PTPRN2: variants seen among roughly 807,000 people sequenced by gnomAD.
PTPRN2 encodes the protein protein tyrosine phosphatase receptor type N2.
Under a neutral mutation model 118.8 loss-of-function variants are expected in PTPRN2, and 74 were observed. The ratio of observed to expected loss-of-function variants is 0.62; its 90% confidence interval spans 0.52 to 0.76. PTPRN2 has a LOEUF of 0.76. Among genes scored for constraint, PTPRN2 ranks in the 30% least tolerant of loss-of-function variants. The pLI is 0.00. For synonymous variants in PTPRN2, 641 were observed against 608.0 expected (o/e 1.05, Z -0.80); for missense variants, 1,481 against 1,394.4 (o/e 1.06, Z -0.99).
intron 3 of PTPRN2, among the ~76,000 whole-genome samples, chr7:158,247,427 AG>A (rs1179053883): frequency 1.6e-3 from 11 of 7,094 alleles, no homozygotes; most frequent in South Asian, 3.6e-3. Flanking sequence ...AGGAGTGGCC[AG>A]GGGTGCCCGT....
At position 157,903,711 on chromosome 7, in the gene PTPRN2, T is replaced by C. The variant is rs533309796; in HGVS notation, c.1724-4974A>G. Among the ~76,000 whole-genome samples the C allele has an allele frequency of 1.9e-4, 29 of 151,912 alleles. No individual in the cohort carries two copies. The highest frequency in any genetic ancestry group is 6.8e-4 in the African/African-American group (28 of 41,408). Reference sequence around the variant, plus strand: ...AGGGACAGTTTCATTCTCGAGCTAATCTGAGACTGCAGTGTAAGTCAAAAT... The same window carrying C: ...AGGGACAGTTTCATTCTCGAGCTAACCTGAGACTGCAGTGTAAGTCAAAAT... On this transcript the variant is annotated intron_variant, in intron 11 of 22. Transcript: ENST00000389418. This position sits in a 1 kb window ranked among gnomAD's most constrained non-coding sequence, Gnocchi z 4.2.
At chr7:158,310,159 C>T (rs936163219) in intron 3 of PTPRN2, among the ~76,000 whole-genome samples, 80 of 152,268 alleles carry the variant, frequency 5.3e-4, no homozygotes, top group African/African-American at 1.7e-3. Context: ...AGTAGCAGCA[C>T]GGCTGTGACA....
intron 12 of PTPRN2, among the ~76,000 whole-genome samples, chr7:157,737,897 G>A (rs1320998218): frequency 2.6e-5 from 4 of 152,206 alleles, no homozygotes; most frequent in East Asian, 1.9e-4. Context: ...AGGAGGCTCC[G>A]AGGGGCTCTT....
intron 2 of PTPRN2, among the ~76,000 whole-genome samples, chr7:158,455,839 A>G (rs1818427521): frequency 6.7e-6 from 1 of 148,710 alleles, no homozygotes; most frequent in African/African-American, 2.5e-5. Flanking sequence ...ACGGCCACCC[A>G]TTGCTCTGCA....
intron 11 of PTPRN2, among the ~76,000 whole-genome samples, chr7:158,050,776 C>A (rs1809265724): frequency 6.6e-6 from 1 of 152,252 alleles, no homozygotes; most frequent in African/African-American, 2.4e-5. Flanking sequence ...TCCTCAAGTA[C>A]CTGCCTACCA....
intron 11 of PTPRN2, among the ~76,000 whole-genome samples, chr7:158,002,421 T>C (rs944766780): frequency 1.4e-4 from 21 of 152,194 alleles, no homozygotes; most frequent in Non-Finnish European, 1.0e-4. Flanking sequence ...TGTTGTAAAC[T>C]AAAACCTCTG....
chr7:158,337,634 G>A (rs1327005833), intron 2 of PTPRN2, among the ~76,000 whole-genome samples: 4 of 119,854 alleles, frequency 3.3e-5, no homozygotes, highest in Admixed American at 1.8e-4. Flanking sequence ...ACCTGCAGAC[G>A]TCATTCACAC....
chr7:158,067,524 A>G (rs1027568606), intron 11 of PTPRN2, among the ~76,000 whole-genome samples: 1 of 151,998 alleles, frequency 6.6e-6, no homozygotes, highest in Admixed American at 6.5e-5. Context: ...TGCGTTTTTA[A>G]CGACCTCCAG....
chr7:158,199,858 G>A (rs903252575), intron 4 of PTPRN2, among the ~76,000 whole-genome samples: 1 of 152,202 alleles, frequency 6.6e-6, no homozygotes, highest in African/African-American at 2.4e-5. Flanking sequence ...TGGGGAGTGA[G>A]GATGCTGAAA....
chr7:157,987,334 A>C lies in PTPRN2; in HGVS notation c.1724-88597T>G, dbSNP rs1803878782. Among the ~76,000 whole-genome samples the C allele has an allele frequency of 1.4e-5, 2 of 138,278 alleles. No individual in the cohort carries two copies. The highest frequency in any genetic ancestry group is 7.5e-5 in the Admixed American group (1 of 13,388). The allele number at this position is 138,278 out of a possible 152,430, so 90.7% of individuals were successfully genotyped here. The stretch of plus-strand genomic sequence containing the variant: ...GCGAGGTTACCAGTCACTAAAGGGA[A>C]AGGGGGCGTGATGACCAGTCACTAG... On this transcript the variant is annotated intron_variant, in intron 11 of 22. Transcript: ENST00000389418. This position sits in a 1 kb window ranked among gnomAD's most constrained non-coding sequence, Gnocchi z 4.3.
chr7:157,687,592 A>G (rs565896893), intron 12 of PTPRN2, among the ~76,000 whole-genome samples: 39 of 152,344 alleles, frequency 2.6e-4, no homozygotes, highest in Admixed American at 1.8e-3. Flanking sequence ...CTAAATTATA[A>G]ATACCTTTTT....
intron 7 of PTPRN2, 39 bp from the exon 8 acceptor site, chr7:158,136,734 A>C: frequency 6.2e-7 from 1 of 1,601,744 alleles, no homozygotes; most frequent in Non-Finnish European, 8.5e-7. Flanking sequence ...CCTCATCAAG[A>C]ATGTCATCAC....
At chr7:158,101,681 A>C (rs1267340077) in intron 10 of PTPRN2, among the ~76,000 whole-genome samples, 1 of 152,186 alleles carries the variant, frequency 6.6e-6, no homozygotes, top group African/African-American at 2.4e-5. Flanking sequence ...CTCACCATGA[A>C]AGCCATGGAG....
intron 1 of PTPRN2, among the ~76,000 whole-genome samples, chr7:158,492,717 C>T (rs141632964): frequency 4.7e-4 from 71 of 152,348 alleles, no homozygotes; most frequent in African/African-American, 1.7e-3. Flanking sequence ...TCTAAAATTA[C>T]GAAAGAGCAA....
chr7:158,320,534 G>A (rs900634100), intron 2 of PTPRN2, among the ~76,000 whole-genome samples: 3 of 54,858 alleles, frequency 5.5e-5, no homozygotes, highest in Non-Finnish European at 1.2e-4. Context: ...GGTGGCGTCC[G>A]TGTTCCCGCG....
chr7:157,650,113 C>T (rs1338977480), intron 14 of PTPRN2, among the ~76,000 whole-genome samples: 1 of 152,170 alleles, frequency 6.6e-6, no homozygotes, highest in East Asian at 1.9e-4. Context: ...TACTATGGCA[C>T]CTGGACGCTC....
chr7:158,230,309 G>A (rs554463252), intron 3 of PTPRN2, among the ~76,000 whole-genome samples: 6 of 152,270 alleles, frequency 3.9e-5, no homozygotes, highest in Non-Finnish European at 8.8e-5. Context: ...GAAAATATTT[G>A]AAGGTATAAA....
rs149332324 is a variant in PTPRN2, at chr7:158,181,517, C to A, written c.549+10810G>T. Among the ~76,000 whole-genome samples, 517 of 152,198 alleles carry A rather than the reference C, an allele frequency of 3.4e-3. 1 individual carries two copies. Among genetic ancestry groups the A allele is most frequent in the African/African-American group, 0.012 (493 of 41,522 alleles). ...GGAATAGTTTCAGTAGAATTGGTAC[C>A]AATTCTTTGAGTGTCTGGTATAATT... On this transcript the variant is annotated intron_variant, in intron 5 of 22. Coordinates refer to ENST00000389418, the MANE Select transcript of PTPRN2 (RefSeq NM_002847.5).
intron 14 of PTPRN2, among the ~76,000 whole-genome samples, chr7:157,631,774 G>A (rs1233412237): frequency 6.6e-6 from 1 of 151,806 alleles, no homozygotes; most frequent in Non-Finnish European, 1.5e-5. Flanking sequence ...GGAGCTTGCA[G>A]TGAGCCGAGA....
Sources: allele counts gnomAD v4.1 joint callset (sites outside exome capture counted in the v4.1 genomes callset), GRCh38; gene constraint gnomAD v4.1.1; non-coding constraint Gnocchi (gnomAD v3.1); transcripts MANE v1.5; gene names NCBI Gene and HGNC (gene_info 2026-07-23, HGNC 2026-07-21).